ASAP2: variants seen among roughly 807,000 people sequenced by gnomAD.
The protein encoded by ASAP2 is ArfGAP with SH3 domain, ankyrin repeat and PH domain 2.
In ASAP2, 45 loss-of-function variants were observed where a neutral mutation model predicts 131.4. The observed-to-expected ratio is 0.34, with a 90% CI of 0.27 to 0.44. ASAP2 has a LOEUF of 0.44. Among genes scored for constraint, ASAP2 ranks in the 20% least tolerant of loss-of-function variants. ASAP2 has a pLI of 1.00. For synonymous variants in ASAP2, 510 were observed against 503.0 expected, an observed-to-expected ratio of 1.01 and a Z score of -0.19; for missense variants, 1,011 against 1,297.0, an observed-to-expected ratio of 0.78 and a Z score of 3.39.
rs1677168823 is a variant in ASAP2 at position 9,405,652 on chromosome 2, G to A, written c.*2325G>A. The stretch of plus-strand genomic sequence containing the variant: ...TTCTTGTTAACTAGTCATTTGACTG[G>A]AAAAAAATAAAATACTTTTAAATGG... On this transcript the variant is annotated 3_prime_UTR_variant, in exon 28 of 28. Coordinates refer to ENST00000281419, the MANE Select transcript of ASAP2 (RefSeq NM_003887.3). 1 of 152,434 alleles carries A rather than the reference G, an allele frequency of 6.6e-6. No individual in the cohort carries two copies. The highest frequency in any genetic ancestry group is 2.4e-5 in the African/African-American group (1 of 41,412). 9.4% of individuals were successfully genotyped at this position (152,434 alleles called of 1,614,324 possible).
intron 11 of ASAP2, among the ~76,000 whole-genome samples, chr2:9,345,158 C>T (rs956376813): frequency 3.3e-5 from 5 of 152,040 alleles, no homozygotes; most frequent in African/African-American, 4.8e-5. Flanking sequence ...CAAACTGCTC[C>T]CCCAGCTCTC....
intron 3 of ASAP2, among the ~76,000 whole-genome samples, chr2:9,306,410 G>A (rs926450911): frequency 6.6e-6 from 1 of 151,816 alleles, no homozygotes; most frequent in African/African-American, 2.4e-5. Flanking sequence ...ACGTTTCCCA[G>A]ACTTTCTTAA....
chr2:9,208,058 C>T (rs1484233953), intron 1 of ASAP2, among the ~76,000 whole-genome samples: 1 of 152,202 alleles, frequency 6.6e-6, no homozygotes. Context: ...GGGGCAGAGT[C>T]TGTGAGTCCA....
At chr2:9,235,681 G>T (rs187478517) in intron 1 of ASAP2, among the ~76,000 whole-genome samples, 2 of 152,294 alleles carry the variant, frequency 1.3e-5, no homozygotes, top group Non-Finnish European at 2.9e-5. Context: ...GGCCAGGAGT[G>T]GCTGACAGCT....
chr2:9,399,129 C>CTGGG (rs1676415651), intron 24 of ASAP2: 1 of 152,300 alleles, frequency 6.6e-6, no homozygotes, highest in Non-Finnish European at 1.5e-5. Context: ...TCCCTTCATT[C>CTGGG]TGGGACTGCA....
At chr2:9,270,996 T>G (rs1240335171) in intron 1 of ASAP2, among the ~76,000 whole-genome samples, 1 of 151,664 alleles carries the variant, frequency 6.6e-6, no homozygotes, top group African/African-American at 2.4e-5. Context: ...GGTTTCACCG[T>G]GTTAGCCAGG....
chr2:9,334,315 C>T (rs955607845), intron 7 of ASAP2, among the ~76,000 whole-genome samples: 17 of 151,728 alleles, frequency 1.1e-4, no homozygotes, highest in Admixed American at 7.9e-4. Flanking sequence ...TCCCCAAGTC[C>T]CTCACCCTGG....
chr2:9,349,716 C>A (rs945769095), intron 11 of ASAP2, among the ~76,000 whole-genome samples: 1 of 152,222 alleles, frequency 6.6e-6, no homozygotes, highest in Admixed American at 6.5e-5. Flanking sequence ...TCCAAACTTA[C>A]ATTTATTAAC....
chr2:9,222,161 G>A lies in ASAP2; in HGVS notation c.126+14931G>A, dbSNP rs576169376. On this transcript the variant is annotated intron_variant, in intron 1 of 27. Transcript: ENST00000281419. ...ATTCCCAATGATTTGCACAGAATAGGTGCTCAGTAACTTTATTGATGAACT... is the reference window on the plus strand; with the variant it reads ...ATTCCCAATGATTTGCACAGAATAGATGCTCAGTAACTTTATTGATGAACT... Among the ~76,000 whole-genome samples the A allele has an allele frequency of 2.0e-5, 3 of 152,284 alleles. No individual in the cohort carries two copies. The South Asian group carries it at 6.2e-4, about 32-fold the overall frequency.
Position 9,389,936 on chromosome 2 carries a change from C to G in ASAP2, c.2384-1126C>G, listed in dbSNP as rs1675592510. ...CCCCGCCTCTCCCAGATCCTGCAGG[C>G]AGGCATCAATTTTCTACGGCCCACA... On this transcript the variant is annotated intron_variant, in intron 22 of 27. Transcript: ENST00000281419. This position sits in a 1 kb window ranked among gnomAD's most constrained non-coding sequence, Gnocchi z 4.7. Among the ~76,000 whole-genome samples the G allele has an allele frequency of 6.6e-6, 1 of 152,196 alleles. No homozygotes were observed. The highest frequency in any genetic ancestry group is 2.1e-4 in the South Asian group (1 of 4,828).
chr2:9,263,647 T>C (rs1353772165), intron 1 of ASAP2, among the ~76,000 whole-genome samples: 1 of 152,024 alleles, frequency 6.6e-6, no homozygotes, highest in Non-Finnish European at 1.5e-5. Context: ...CTCCCGGGAG[T>C]GCCTGTGGGC....
intron 1 of ASAP2, among the ~76,000 whole-genome samples, chr2:9,220,505 T>G (rs1470795214): frequency 6.6e-6 from 1 of 152,236 alleles, no homozygotes. Flanking sequence ...CCCATGGCTG[T>G]GTGTATCTTC....
intron 1 of ASAP2, among the ~76,000 whole-genome samples, chr2:9,215,414 T>A (rs1302036989): frequency 6.6e-6 from 1 of 152,208 alleles, no homozygotes; most frequent in East Asian, 1.9e-4. Flanking sequence ...AACAAATACC[T>A]TAATTTTGAG....
At chr2:9,278,636 C>T (rs545927307) in intron 1 of ASAP2, among the ~76,000 whole-genome samples, 3 of 152,130 alleles carry the variant, frequency 2.0e-5, no homozygotes, top group Non-Finnish European at 4.4e-5. Flanking sequence ...TGAGCGCCTC[C>T]TATGTGCTGG....
At chr2:9,393,707 A>G (rs1675902345) in intron 24 of ASAP2, 60 bp downstream of exon 24, 2 of 1,473,044 alleles carry the variant, frequency 1.4e-6, no homozygotes, top group Non-Finnish European at 9.1e-7. Flanking sequence ...TCACCTGCCC[A>G]GGGCTCTGCA....
intron 15 of ASAP2, among the ~76,000 whole-genome samples, chr2:9,360,082 G>C (rs907982562): frequency 5.9e-5 from 9 of 152,202 alleles, no homozygotes; most frequent in African/African-American, 2.2e-4. Context: ...ATAGATTGGA[G>C]GTTGTCATGG....
At chr2:9,289,294 C>T (rs1000303557) in intron 2 of ASAP2, among the ~76,000 whole-genome samples, 4 of 152,236 alleles carry the variant, frequency 2.6e-5, no homozygotes, top group East Asian at 1.9e-4. Flanking sequence ...GCCTTTGTGT[C>T]GCTGCACTGA....
chr2:9,262,038 AG>A (rs1001062164), intron 1 of ASAP2, among the ~76,000 whole-genome samples: 1 of 152,186 alleles, frequency 6.6e-6, no homozygotes, highest in African/African-American at 2.4e-5. Flanking sequence ...TTTTAGAGAC[AG>A]GGTGTTGCTA....
At chr2:9,225,759 G>C (rs1274429242) in intron 1 of ASAP2, among the ~76,000 whole-genome samples, 4 of 152,216 alleles carry the variant, frequency 2.6e-5, no homozygotes, top group Non-Finnish European at 5.9e-5. Context: ...ACTGCCGTGG[G>C]AAGTGGTTGT....
Sources: gnomAD v4.1 joint callset for allele counts (sites outside exome capture counted in the v4.1 genomes callset) on GRCh38, gnomAD v4.1.1 for gene constraint, Gnocchi (gnomAD v3.1) non-coding constraint, MANE v1.5 for transcripts, NCBI Gene and HGNC (gene_info 2026-07-23, HGNC 2026-07-21) for gene names.